Variants in COBLL1 observed in about 807,000 individuals in gnomAD.
COBLL1 encodes the protein cordon-bleu protein-like 1.
In COBLL1, 50 loss-of-function variants were observed where a neutral mutation model predicts 94.8. That is an observed-to-expected ratio of 0.53 (90% confidence interval 0.42 to 0.67). The LOEUF is 0.67. Ranked by LOEUF, COBLL1 falls within the 30% of genes least tolerant of loss-of-function variation. The pLI is 0.00. For synonymous variants in COBLL1, 448 were observed against 473.8 expected (o/e 0.95, Z 0.71); for missense variants, 1,362 against 1,348.7 (o/e 1.01, Z -0.15).
intron 3 of COBLL1, among the ~76,000 whole-genome samples, chr2:164,736,769 AAGC>A (rs1180532385): frequency 2.6e-5 from 4 of 152,192 alleles, no homozygotes; most frequent in Admixed American, 6.5e-5. Context: ...AACTGAAAAA[AAGC>A]AGGTTACAAA....
At position 164,799,824 on chromosome 2, in the gene COBLL1, C is replaced by A. The variant is rs901268494; in HGVS notation, c.41+41332G>T. 3.3e-5 allele frequency among the ~76,000 whole-genome samples: 5 copies of A among 152,156 alleles called. No homozygotes were observed. In the South Asian group the frequency reaches 6.2e-4, roughly 19 times the overall value. On this transcript the variant is annotated intron_variant, in intron 2 of 13. Transcript: ENST00000652658. Reference sequence around the variant, plus strand: ...GAACAACTTGTTTTTGACAAAGGTGCAAAGGCAATTCATTAGAGAAAGGAT... The same window carrying A: ...GAACAACTTGTTTTTGACAAAGGTGAAAAGGCAATTCATTAGAGAAAGGAT...
chr2:164,747,381 G>A (rs1430770628), intron 2 of COBLL1, among the ~76,000 whole-genome samples: 2 of 152,098 alleles, frequency 1.3e-5, no homozygotes, highest in Non-Finnish European at 2.9e-5. Flanking sequence ...ACTTCCTCAG[G>A]TAGTTTGTAT....
chr2:164,699,548 CACAT>C, intron 10 of COBLL1, 49 bp from the exon 11 acceptor site: 1 of 993,536 alleles, frequency 1.0e-6, no homozygotes, highest in Non-Finnish European at 1.6e-6. Context: ...TTGAAACACA[CACAT>C]ACACACACAC....
chr2:164,817,601 C>T (rs1437323882), intron 2 of COBLL1, among the ~76,000 whole-genome samples: 1 of 152,096 alleles, frequency 6.6e-6, no homozygotes, highest in African/African-American at 2.4e-5. Context: ...CCTGGCTTGG[C>T]AACTCCCATT....
At chr2:164,689,259 T>C (rs1388635698) in intron 13 of COBLL1, among the ~76,000 whole-genome samples, 1 of 152,132 alleles carries the variant, frequency 6.6e-6, no homozygotes, top group Non-Finnish European at 1.5e-5. Context: ...TGAAGGTTAA[T>C]TGCCTGCGTA....
chr2:164,779,487 C>T (rs1255507728), intron 2 of COBLL1, among the ~76,000 whole-genome samples: 1 of 152,000 alleles, frequency 6.6e-6, no homozygotes, highest in Non-Finnish European at 1.5e-5. Context: ...GTCTTGAATC[C>T]CTCAGAGAAT....
intron 5 of COBLL1, chr2:164,723,576 T>C (rs1329034329): frequency 1.3e-5 from 2 of 152,244 alleles, no homozygotes; most frequent in East Asian, 1.9e-4. Context: ...CAGTTTCTAC[T>C]GGTAAAAATA....
rs1574689334 is a variant in COBLL1, at chr2:164,841,781, G to A, written c.-122C>T. On this transcript the variant is annotated 5_prime_UTR_variant, in exon 1 of 14. Transcript: ENST00000652658. This position sits in a 1 kb window ranked among gnomAD's most constrained non-coding sequence, Gnocchi z 5.5. The stretch of plus-strand genomic sequence containing the variant: ...TTCCTCTCCTACTCTTCCCTTCCCC[G>A]GCCCGCGCTCTTGCCGCTCGGCTCT... 1 of 560,108 alleles carries A rather than the reference G, an allele frequency of 1.8e-6. No homozygotes were observed. Among genetic ancestry groups the A allele is most frequent in the East Asian group, 3.3e-5 (1 of 30,296 alleles). The allele number at this position is 560,108 out of a possible 1,614,324, so 34.7% of individuals were successfully genotyped here.
intron 2 of COBLL1, chr2:164,773,651 A>G (rs1688319886): frequency 1.3e-6 from 1 of 752,710 alleles, no homozygotes; most frequent in Non-Finnish European, 1.9e-6. Context: ...TTTTTAAAGC[A>G]AAAGATTAGG....
intron 13 of COBLL1, chr2:164,687,877 T>C (rs1683387767): frequency 4.1e-6 from 1 of 244,928 alleles, no homozygotes; most frequent in Non-Finnish European, 8.0e-6. Context: ...CATAATTCTT[T>C]GTGAAGGAGA....
intron 2 of COBLL1, among the ~76,000 whole-genome samples, chr2:164,840,160 CTCAT>C (rs1266646749): frequency 6.6e-6 from 1 of 152,180 alleles, no homozygotes; most frequent in African/African-American, 2.4e-5. Context: ...CTGTACAAGT[CTCAT>C]TCATTAGTGA....
chr2:164,779,934 G>C (rs1366411386), intron 2 of COBLL1: 2 of 219,164 alleles, frequency 9.1e-6, no homozygotes, highest in Admixed American at 8.9e-5. Context: ...CCAAGATGAG[G>C]CCTAATGAGA....
chr2:164,704,839 T>C, intron 8 of COBLL1, 113 bp downstream of exon 8: 1 of 1,152,546 alleles, frequency 8.7e-7, no homozygotes, highest in Non-Finnish European at 1.2e-6. Flanking sequence ...AAGATGTATT[T>C]AAAAAGCCTA....
At chr2:164,739,632 TC>T (rs1189677664) in intron 3 of COBLL1, among the ~76,000 whole-genome samples, 1 of 152,178 alleles carries the variant, frequency 6.6e-6, no homozygotes, top group African/African-American at 2.4e-5. Context: ...TGCATTGAAG[TC>T]TTTTCAGAGT....
chr2:164,689,318 T>C (rs1683471756), intron 13 of COBLL1, among the ~76,000 whole-genome samples: 1 of 152,102 alleles, frequency 6.6e-6, no homozygotes, highest in Non-Finnish European at 1.5e-5. Flanking sequence ...AATTGAACAT[T>C]TGGGTGCCAA....
At chr2:164,763,214 G>A (rs566904981) in intron 2 of COBLL1, among the ~76,000 whole-genome samples, 4 of 151,910 alleles carry the variant, frequency 2.6e-5, no homozygotes, top group East Asian at 1.9e-4. Flanking sequence ...TAAAGTCACC[G>A]TACAATTTTA....
At chr2:164,841,866 G>C, upstream of COBLL1, 1 of 960,734 alleles carries the variant, frequency 1.0e-6, no homozygotes, top group Non-Finnish European at 1.5e-6. The surrounding 1 kb of genome is among the most constrained non-coding windows in gnomAD (Gnocchi z 5.5). Context: ...AGCGCGGGCA[G>C]GGCCGACTCA....
intron 2 of COBLL1, among the ~76,000 whole-genome samples, chr2:164,794,612 T>G (rs1683347987): frequency 6.6e-6 from 1 of 152,148 alleles, no homozygotes. Flanking sequence ...CTAGCAAATT[T>G]TATTCCACTT....
intron 13 of COBLL1, among the ~76,000 whole-genome samples, chr2:164,688,895 T>TCTG (rs1489478753): frequency 5.9e-5 from 9 of 152,196 alleles, no homozygotes; most frequent in Admixed American, 5.9e-4. Flanking sequence ...ACCTTACTTG[T>TCTG]AATAGGGTAA....
Sources: gnomAD v4.1 joint callset for allele counts (sites outside exome capture counted in the v4.1 genomes callset) on GRCh38, gnomAD v4.1.1 for gene constraint, Gnocchi (gnomAD v3.1) non-coding constraint, MANE v1.5 for transcripts, NCBI Gene and HGNC (gene_info 2026-07-23, HGNC 2026-07-21) for gene names.